ZPBP2: variants seen among roughly 807,000 people sequenced by gnomAD.
ZPBP2 encodes the protein zona pellucida binding protein 2.
In ZPBP2, 34 loss-of-function variants were observed where a neutral mutation model predicts 37.5. The observed-to-expected ratio is 0.91, with a 90% CI of 0.69 to 1.21. ZPBP2 has a LOEUF of 1.21. ZPBP2 is among the 50% of genes most tolerant of loss of function. The pLI, the probability that ZPBP2 is intolerant of heterozygous loss-of-function variation, is 0.00. For synonymous variants in ZPBP2, 143 were observed against 138.4 expected, an observed-to-expected ratio of 1.03 and a Z score of -0.23; for missense variants, 397 against 413.5, an observed-to-expected ratio of 0.96 and a Z score of 0.35.
chr17:39,869,864 C>G (rs963249188), intron 2 of ZPBP2, among the ~76,000 whole-genome samples: 3 of 151,384 alleles, frequency 2.0e-5, no homozygotes, highest in East Asian at 1.9e-4. Flanking sequence ...AGGGGCCCAC[C>G]ACCATGCCTG....
chr17:39,872,979 C>G, intron 5 of ZPBP2, 65 bp from the exon 6 acceptor site: 1 of 1,465,618 alleles, frequency 6.8e-7, no homozygotes, highest in Non-Finnish European at 9.5e-7. Context: ...GCACTTGGAC[C>G]TTTATTGAAA....
At chr17:39,870,271 T>C (rs1221813223) in intron 2 of ZPBP2, among the ~76,000 whole-genome samples, 1 of 152,160 alleles carries the variant, frequency 6.6e-6, no homozygotes, top group Middle Eastern at 3.4e-3. Flanking sequence ...CTCAAACTCC[T>C]GGACTCAAGC....
chr17:39,875,885 T>C lies in ZPBP2; in HGVS notation c.889+451T>C, dbSNP rs1044563083. On this transcript the variant is annotated intron_variant, in intron 7 of 7. Coordinates refer to ENST00000348931, the MANE Select transcript of ZPBP2 (RefSeq NM_199321.3). ...GTGTGGGCTACCATGCTTGGCCCCT[T>C]TTTTTTTTTTTTTTTTTTTTTTTTT... 3.4e-3 allele frequency among the ~76,000 whole-genome samples: 298 copies of C among 88,008 alleles called. 3 individuals are homozygous for C. Among genetic ancestry groups the C allele is most frequent in the African/African-American group, 0.012 (281 of 22,648 alleles). The allele number at this position is 88,008 out of a possible 152,430, so 57.7% of individuals were successfully genotyped here. A position where few individuals can be genotyped will look rare whatever the true frequency, so the allele number is the denominator to read the frequency against.
intron 5 of ZPBP2, 105 bp from the exon 6 acceptor site, chr17:39,872,938 TA>T: frequency 1.1e-6 from 1 of 906,158 alleles, no homozygotes; most frequent in Non-Finnish European, 1.7e-6. Context: ...ATAGCTGGAC[TA>T]AACATGTGCC....
rs927523867 is a variant in ZPBP2 at position 39,877,834 on chromosome 17, C to A, written c.*1025C>A. ...TAGCATAGTATGTTTATCCATTCGC[C>A]CATTAAAGGAAATCTTGATTGCTTC... On this transcript the variant is annotated 3_prime_UTR_variant, in exon 8 of 8. Transcript: ENST00000348931. The A allele has an allele frequency of 3.9e-5, 6 of 151,988 alleles. No individual in the cohort carries two copies. The highest frequency in any genetic ancestry group is 1.5e-4 in the African/African-American group (6 of 41,346). The allele number at this position is 151,988 out of a possible 1,614,324, so 9.4% of individuals were successfully genotyped here.
rs375637040 is a variant in ZPBP2 at position 39,875,404 on chromosome 17, C to T, written c.859C>T (p.Arg287Cys). ...SCRPGFGKNE[R>C]LHSNCASCCV... ...TCGACCAGGCTTTGGAAAAAATGAA[C>T]GTCTACACAGTAATTGCGCTAGCTG... is the stretch of plus-strand genomic sequence containing the variant. Residue 287 changes from arginine to cysteine, a missense_variant, in exon 7 of 8, where the codon CGT becomes TGT. Transcript: ENST00000348931. 62 of 1,612,086 alleles carry T rather than the reference C, an allele frequency of 3.8e-5. No individual in the cohort carries two copies. The highest frequency in any genetic ancestry group is 4.8e-5 in the Non-Finnish European group (57 of 1,179,444).
rs1041484668 is a variant in ZPBP2 at position 39,871,532 on chromosome 17, G to A, written c.313G>A (p.Gly105Arg). The A allele has an allele frequency of 1.2e-5, 20 of 1,609,366 alleles. No individual in the cohort carries two copies. Among genetic ancestry groups the A allele is most frequent in the Non-Finnish European group, 1.7e-5 (20 of 1,177,886 alleles). Residue 105 changes from glycine to arginine, a missense_variant, in exon 4 of 8, where the codon GGA becomes AGA. By Grantham distance (125) the Gly-to-Arg change is moderately radical. Transcript: ENST00000348931. ...GAAAGATTTTTTGGAGCCTTTGTCT[G>A]GACTTTACACATGTACTCTTTCTTA... ...MVKDFLEPLS[G>R]LYTCTLSYKT...
intron 6 of ZPBP2, among the ~76,000 whole-genome samples, chr17:39,874,686 GCCTC>G (rs1231210103): frequency 1.3e-5 from 2 of 151,876 alleles, no homozygotes; most frequent in Non-Finnish European, 2.9e-5. Context: ...GCCCACCTCT[GCCTC>G]CCAAAGTGCT....
intron 7 of ZPBP2, among the ~76,000 whole-genome samples, chr17:39,875,850 G>A (rs1363199336): frequency 6.8e-6 from 1 of 147,612 alleles, no homozygotes; most frequent in African/African-American, 2.5e-5. Flanking sequence ...CGAAAGTGCT[G>A]GGATTATAGG....
At chr17:39,873,780 C>T (rs1385253715) in intron 6 of ZPBP2, among the ~76,000 whole-genome samples, 1 of 152,076 alleles carries the variant, frequency 6.6e-6, no homozygotes, top group Admixed American at 6.6e-5. Flanking sequence ...ACTAGTTGCT[C>T]TCCCCTCTAC....
chr17:39,877,105 G>A lies in ZPBP2; in HGVS notation c.*296G>A, dbSNP rs911344534. 2 of 214,412 alleles carry A rather than the reference G, an allele frequency of 9.3e-6. No individual in the cohort carries two copies. The highest frequency in any genetic ancestry group is 1.9e-5 in the Non-Finnish European group (2 of 104,114). The allele number at this position is 214,412 out of a possible 1,614,324, so 13.3% of individuals were successfully genotyped here. On this transcript the variant is annotated 3_prime_UTR_variant, in exon 8 of 8. Coordinates refer to ENST00000348931, the MANE Select transcript of ZPBP2 (RefSeq NM_199321.3). ...CCTAAGAGTATAGTAAGGTCAAGAA[G>A]AGTATCAAAGTATAATAAAATAAAA...
chr17:39,873,237 C>A, intron 6 of ZPBP2, 111 bp downstream of exon 6: 1 of 806,614 alleles, frequency 1.2e-6, no homozygotes, highest in Non-Finnish European at 1.9e-6. Context: ...CAGCCTCAAA[C>A]TCCTGGGCTC....
Position 39,871,620 on chromosome 17 carries a change from T to G in ZPBP2, c.401T>G (p.Val134Gly). 3 of 1,556,562 alleles carry G rather than the reference T, an allele frequency of 1.9e-6. No homozygotes were observed. The highest frequency in any genetic ancestry group is 1.3e-5 in the South Asian group (1 of 79,748). The change falls in exon 4 of 8, where the codon GTC becomes GGC. Residue 134 changes from valine (V) to glycine (G), a missense_variant. Coordinates refer to ENST00000348931, the MANE Select transcript of ZPBP2 (RefSeq NM_199321.3). ...GTCAAAAAGAGATATGACTTTATGG[T>G]CTTTGGTAAGAATTTAGGCACATTT... ...KTVKKRYDFM[V>G]FAYREPDYSY...
chr17:39,871,727 C>A, intron 4 of ZPBP2, 102 bp downstream of exon 4: 2 of 943,622 alleles, frequency 2.1e-6, no homozygotes, highest in Non-Finnish European at 3.0e-6. Flanking sequence ...AGGTGACTGT[C>A]ACCAATTATG....
At chr17:39,875,551 T>A (rs954516295) in intron 7 of ZPBP2, 117 bp downstream of exon 7, 24 of 788,496 alleles carry the variant, frequency 3.0e-5, no homozygotes, top group African/African-American at 5.3e-5. Context: ...CCAAAAAATA[T>A]ATATATATTT....
rs372701293 is a variant in ZPBP2 at position 39,869,794 on chromosome 17, C to A, written c.119-900C>A. Among the ~76,000 whole-genome samples, 51 of 146,520 alleles carry A rather than the reference C, an allele frequency of 3.5e-4. 1 individual carries two copies. In the South Asian group the frequency reaches 0.01, roughly 30 times the overall value. ...GTGGTGTGATCTCGGGTCGCTGCAA[C>A]CTCCGCCTCCTGGATTCAAGCAATT... On this transcript the variant is annotated intron_variant, in intron 2 of 7. Transcript: ENST00000348931.
intron 6 of ZPBP2, among the ~76,000 whole-genome samples, chr17:39,874,486 G>A (rs2144644937): frequency 6.6e-6 from 1 of 151,904 alleles, no homozygotes; most frequent in South Asian, 2.1e-4. Flanking sequence ...TGTCACCCAG[G>A]CTGCTGTGCA....
intron 2 of ZPBP2, 72 bp downstream of exon 2, chr17:39,868,686 C>T: frequency 6.4e-7 from 1 of 1,567,734 alleles, no homozygotes; most frequent in Non-Finnish European, 8.8e-7. Context: ...GGAAGAGCTT[C>T]CTGGAGAGAA....
At chr17:39,876,017 A>G (rs553203126) in intron 7 of ZPBP2, among the ~76,000 whole-genome samples, 1 of 145,328 alleles carries the variant, frequency 6.9e-6, no homozygotes, top group African/African-American at 2.5e-5. Flanking sequence ...CCATCCTTCA[A>G]CCTCAGCCTC....
Sources: allele counts gnomAD v4.1 joint callset (sites outside exome capture counted in the v4.1 genomes callset), GRCh38; gene constraint gnomAD v4.1.1; transcripts MANE v1.5; gene names NCBI Gene and HGNC (gene_info 2026-07-23, HGNC 2026-07-21).